PRRG2: variants seen among roughly 807,000 people sequenced by gnomAD.
PRRG2 encodes the protein transmembrane gamma-carboxyglutamic acid protein 2.
In PRRG2, 23 loss-of-function variants were observed where a neutral mutation model predicts 27.1. The observed-to-expected ratio is 0.85, with a 90% CI of 0.61 to 1.20. The LOEUF (loss-of-function observed/expected upper bound fraction) is 1.20. Among genes scored for constraint, PRRG2 ranks in the 50% most tolerant of loss-of-function variants. The pLI is 0.00. For missense variants in PRRG2, 276 were observed against 254.8 expected (o/e 1.08, Z -0.57); for synonymous variants, 104 against 103.4 (o/e 1.01, Z -0.03).
intron 5 of PRRG2, 37 bp downstream of exon 5, chr19:49,588,669 G>A (rs757713741): frequency 4.6e-6 from 7 of 1,506,862 alleles, no homozygotes; most frequent in Non-Finnish European, 4.4e-6. Flanking sequence ...TGGTGGTGGA[G>A]AGCAGGGGAG....
chr19:49,589,583 G>A (rs1042862477), intron 5 of PRRG2, among the ~76,000 whole-genome samples: 3 of 151,734 alleles, frequency 2.0e-5, no homozygotes, highest in African/African-American at 4.8e-5. Flanking sequence ...ACAGGTGTGC[G>A]CCATGCACCC....
chr19:49,587,815 C>T (rs1482781135), intron 4 of PRRG2, among the ~76,000 whole-genome samples: 1 of 151,494 alleles, frequency 6.6e-6, no homozygotes, highest in African/African-American at 2.4e-5. Flanking sequence ...GATGGGGTTT[C>T]ACCACATTGG....
chr19:49,590,371 C>T lies in PRRG2; in HGVS notation c.591C>T (p.Ser197=), dbSNP rs1599780187. Residue 197 remains serine, a splice_region_variant and synonymous_variant, in exon 7 of 7, where the codon AGC becomes AGT. Transcript: ENST00000246794. ...CCCTAGTGTGCCTTTCCTCTTGCAGCCTCAGGAGGCCTCACTGAAGAGCTG... is the reference window on the plus strand; with the variant it reads ...CCCTAGTGTGCCTTTCCTCTTGCAGTCTCAGGAGGCCTCACTGAAGAGCTG... ...VHDAPPPPYT[S]LRRPH is the part of the protein sequence containing the mutation. The T allele has an allele frequency of 1.2e-6, 2 of 1,614,156 alleles. No individual in the cohort carries two copies. The highest frequency in any genetic ancestry group is 1.3e-5 in the African/African-American group (1 of 75,042).
chr19:49,583,349 T>C, intron 2 of PRRG2, 45 bp downstream of exon 2: 2 of 1,586,422 alleles, frequency 1.3e-6, no homozygotes, highest in South Asian at 1.1e-5. Context: ...GGCGTTGGCC[T>C]CCCCCTGACT....
rs1343921618 is a variant in PRRG2, at chr19:49,590,038, A to T, written c.576A>T (p.Pro192=). Residue 192 remains proline (P), a synonymous_variant, in exon 6 of 7, where the codon CCA becomes CCT. Transcript: ENST00000246794. ...LAASGVHDAP[P]PPYTSLRRPH is the part of the protein sequence containing the mutation. ...CCTCTGGGGTACACGACGCACCTCC[A>T]CCCCCCTACACCAGGTATGGGGCGT... The T allele has an allele frequency of 7.4e-6, 11 of 1,490,578 alleles. No homozygotes were observed. In the East Asian group the frequency reaches 1.6e-4, roughly 21 times the overall value. 92.3% of individuals were successfully genotyped at this position (1,490,578 alleles called of 1,614,324 possible).
At chr19:49,587,764 C>T (rs1328433610) in intron 4 of PRRG2, among the ~76,000 whole-genome samples, 1 of 151,728 alleles carries the variant, frequency 6.6e-6, no homozygotes, top group Non-Finnish European at 1.5e-5. Context: ...GGATTACAGG[C>T]GTGAGCCACC....
At chr19:49,588,937 G>A (rs575059919) in intron 5 of PRRG2, among the ~76,000 whole-genome samples, 3 of 152,142 alleles carry the variant, frequency 2.0e-5, no homozygotes, top group African/African-American at 7.2e-5. Flanking sequence ...TATCTGGTGA[G>A]GCTGCGACGG....
rs762778937 is a variant in PRRG2 at position 49,589,887 on chromosome 19, T to C, written c.438-13T>C. On this transcript the variant is annotated splice_polypyrimidine_tract_variant and intron_variant, in intron 5 of 6. Transcript: ENST00000246794. ...TAAGTTGCCTCTGCTAACTGTACCT[T>C]TGCTGTCCCCAGGGCCGGGCTCATT... 1.2e-6 allele frequency: 2 copies of C among 1,613,334 alleles called. No homozygotes were observed. The highest frequency in any genetic ancestry group is 2.2e-5 in the East Asian group (1 of 44,868).
chr19:49,584,007 A>T, intron 4 of PRRG2, 55 bp downstream of exon 4: 2 of 1,537,962 alleles, frequency 1.3e-6, no homozygotes, highest in Non-Finnish European at 1.8e-6. Context: ...GTCCCTTCCC[A>T]GCGAGGCCAA....
intron 4 of PRRG2, among the ~76,000 whole-genome samples, chr19:49,587,316 G>A (rs1327574433): frequency 6.9e-6 from 1 of 145,136 alleles, no homozygotes; most frequent in East Asian, 2.0e-4. Context: ...AGTAGTACAT[G>A]TGACATCCTT....
chr19:49,580,788 G>T (rs2080616613), upstream of PRRG2: 3 of 152,164 alleles, frequency 2.0e-5, no homozygotes, highest in Non-Finnish European at 4.4e-5. Context: ...ATTTCCCAGG[G>T]AGATCGTTTT....
At chr19:49,588,422 A>G in intron 4 of PRRG2, 75 bp from the exon 5 acceptor site, 2 of 1,525,610 alleles carry the variant, frequency 1.3e-6, no homozygotes, top group Non-Finnish European at 1.8e-6. Context: ...CTCTTCCCTC[A>G]GTGGGAAGGA....
upstream of PRRG2, chr19:49,580,786 G>A (rs2080616560): frequency 6.6e-6 from 1 of 152,178 alleles, no homozygotes; most frequent in Non-Finnish European, 1.5e-5. Flanking sequence ...GCATTTCCCA[G>A]GGAGATCGTT....
intron 4 of PRRG2, among the ~76,000 whole-genome samples, chr19:49,585,159 C>T (rs150333439): frequency 1.2e-3 from 183 of 152,330 alleles, no homozygotes; most frequent in African/African-American, 4.1e-3. Flanking sequence ...CCCCACAGCC[C>T]CATCCCAGCA....
intron 4 of PRRG2, among the ~76,000 whole-genome samples, chr19:49,587,324 C>CTT (rs527352052): frequency 1.1e-4 from 13 of 121,760 alleles, no homozygotes; most frequent in Admixed American, 3.4e-4. Context: ...ATGTGACATC[C>CTT]TTTTTTTTTT....
intron 6 of PRRG2, 103 bp downstream of exon 6, chr19:49,590,155 C>T (rs2122263372): frequency 7.6e-7 from 1 of 1,316,574 alleles, no homozygotes; most frequent in South Asian, 1.5e-5. Flanking sequence ...GGCCTTCTTA[C>T]CTGGGGCGGG....
rs767846035 is a variant in PRRG2, at chr19:49,590,438, C to T, written c.*49C>T. On this transcript the variant is annotated 3_prime_UTR_variant, in exon 7 of 7. Transcript: ENST00000246794. ...CTCCGAACCGTGCCCCTGATTCATA[C>T]CGGATTCCGGAAGCCGCTAGGCCTC... 1 of 1,612,694 alleles carries T rather than the reference C, an allele frequency of 6.2e-7. No individual in the cohort carries two copies. Among genetic ancestry groups the T allele is most frequent in the South Asian group, 1.1e-5 (1 of 91,052 alleles).
intron 6 of PRRG2, 56 bp downstream of exon 6, chr19:49,590,108 G>A (rs1440226091): frequency 2.8e-6 from 4 of 1,443,380 alleles, no homozygotes; most frequent in South Asian, 1.4e-5. Flanking sequence ...GCACGTTGGA[G>A]GAGGAACCTG....
Position 49,589,933 on chromosome 19 carries a change from C to T in PRRG2, c.471C>T (p.Asn157=). The T allele has an allele frequency of 1.2e-6, 2 of 1,611,544 alleles. No homozygotes were observed. Among genetic ancestry groups the T allele is most frequent in the Non-Finnish European group, 1.7e-6 (2 of 1,179,924 alleles). Residue 157 remains asparagine, a synonymous_variant, in exon 6 of 7, where the codon AAC becomes AAT. Transcript: ENST00000246794. ...AGLISPLSPL[N]PLGPPTPLPP... is the part of the protein sequence containing the mutation. Reference sequence around the variant, plus strand: ...TCATTAGCCCTCTGAGTCCTTTGAACCCTCTGGGCCCACCGACGCCCCTGC... The same window carrying T: ...TCATTAGCCCTCTGAGTCCTTTGAATCCTCTGGGCCCACCGACGCCCCTGC...
Sources: allele counts gnomAD v4.1 joint callset (sites outside exome capture counted in the v4.1 genomes callset), GRCh38; gene constraint gnomAD v4.1.1; transcripts MANE v1.5; gene names NCBI Gene and HGNC (gene_info 2026-07-23, HGNC 2026-07-21).